The following ARHGAP15 variants were observed in gnomAD, a reference collection of about 807,000 sequenced individuals.
The protein encoded by ARHGAP15 is Rho GTPase activating protein 15.
Under a neutral mutation model 63.7 loss-of-function variants are expected in ARHGAP15, and 51 were observed. The ratio of observed to expected loss-of-function variants is 0.80; its 90% CI spans 0.64 to 1.01. The LOEUF (loss-of-function observed/expected upper bound fraction) is 1.01. Among genes scored for constraint, ARHGAP15 ranks in the 50% least tolerant of loss-of-function variants. The pLI is 0.00. For synonymous variants in ARHGAP15, 191 were observed against 193.8 expected (o/e 0.99, Z 0.12); for missense variants, 560 against 564.6 (o/e 0.99, Z 0.08).
intron 6 of ARHGAP15, among the ~76,000 whole-genome samples, chr2:143,349,748 C>T (rs1354529373): frequency 6.6e-6 from 1 of 152,176 alleles, no homozygotes; most frequent in Non-Finnish European, 1.5e-5. Flanking sequence ...ATGAATAAAT[C>T]TGAAATCTAG....
chr2:143,477,473 T>C (rs899981085), intron 8 of ARHGAP15, among the ~76,000 whole-genome samples: 1 of 152,150 alleles, frequency 6.6e-6, no homozygotes, highest in Non-Finnish European at 1.5e-5. Flanking sequence ...GTTAACTACA[T>C]ATGTATTATA....
intron 13 of ARHGAP15, among the ~76,000 whole-genome samples, chr2:143,722,904 A>G (rs547763630): frequency 2.4e-4 from 37 of 152,348 alleles, no homozygotes; most frequent in African/African-American, 8.9e-4. Context: ...ATCTCAGGCT[A>G]TAGGAAACCA....
chr2:143,765,622 A>G (rs545181574), intron 13 of ARHGAP15, among the ~76,000 whole-genome samples: 33 of 152,326 alleles, frequency 2.2e-4, no homozygotes, highest in Admixed American at 3.9e-4. Context: ...GAAATCTACT[A>G]TCACCAGGCT....
intron 13 of ARHGAP15, among the ~76,000 whole-genome samples, chr2:143,736,305 A>C (rs1685742348): frequency 6.6e-6 from 1 of 151,898 alleles, no homozygotes; most frequent in Admixed American, 6.6e-5. Context: ...CTGAGGCAGG[A>C]GATTCATTTG....
intron 6 of ARHGAP15, among the ~76,000 whole-genome samples, chr2:143,283,191 A>G (rs954891071): frequency 6.6e-6 from 1 of 152,180 alleles, no homozygotes; most frequent in Non-Finnish European, 1.5e-5. Flanking sequence ...AATTTTTGCC[A>G]GGACCCGTGA....
intron 6 of ARHGAP15, among the ~76,000 whole-genome samples, chr2:143,411,357 A>G (rs1470288942): frequency 6.6e-6 from 1 of 152,218 alleles, no homozygotes; most frequent in East Asian, 1.9e-4. Flanking sequence ...TATTCTCTAA[A>G]TATAAGCATT....
chr2:143,428,264 G>A (rs1010923573), intron 6 of ARHGAP15, among the ~76,000 whole-genome samples: 1 of 151,904 alleles, frequency 6.6e-6, no homozygotes, highest in Non-Finnish European at 1.5e-5. Flanking sequence ...GACAGCTGGG[G>A]AACCAAAAAA....
intron 10 of ARHGAP15, among the ~76,000 whole-genome samples, chr2:143,535,529 A>T (rs1232547262): frequency 2.0e-5 from 3 of 152,356 alleles, no homozygotes; most frequent in African/African-American, 7.2e-5. Flanking sequence ...TTTAAGAAAG[A>T]ATTATCTTCC....
chr2:143,379,663 C>G (rs996429334), intron 6 of ARHGAP15, among the ~76,000 whole-genome samples: 1 of 150,840 alleles, frequency 6.6e-6, no homozygotes, highest in Non-Finnish European at 1.5e-5. Context: ...GTATTGTCAA[C>G]TATAGAGAAA....
At chr2:143,607,038 TTGAAATTACTTTCTTTTCCCCCAG>T (rs1330181442) in intron 11 of ARHGAP15, 1 of 152,256 alleles carries the variant, frequency 6.6e-6, no homozygotes, top group East Asian at 1.9e-4. Context: ...GGAGGATTTC[TTGAAATTACTTTCTTTTCCCCCAG>T]TGAAATGTCA....
At chr2:143,669,588 T>C (rs538119560) in intron 12 of ARHGAP15, among the ~76,000 whole-genome samples, 7 of 152,300 alleles carry the variant, frequency 4.6e-5, no homozygotes, top group Non-Finnish European at 1.0e-4. Context: ...ATTTCCTAGT[T>C]CACAGATGAC....
At chr2:143,534,188 G>T (rs1292791544) in intron 10 of ARHGAP15, among the ~76,000 whole-genome samples, 1 of 152,126 alleles carries the variant, frequency 6.6e-6, no homozygotes, top group Admixed American at 6.5e-5. Context: ...GAGATCTGAT[G>T]GCTTTATAAG....
chr2:143,181,946 A>T (rs1217892664), intron 2 of ARHGAP15, among the ~76,000 whole-genome samples: 3 of 145,276 alleles, frequency 2.1e-5, no homozygotes, highest in Admixed American at 6.8e-5. Flanking sequence ...CTAGCTTTTG[A>T]TTTTTTTTTT....
intron 9 of ARHGAP15, among the ~76,000 whole-genome samples, chr2:143,516,935 G>A (rs1030236102): frequency 1.3e-5 from 2 of 151,968 alleles, no homozygotes; most frequent in Admixed American, 1.3e-4. Context: ...TTGGAGTTTT[G>A]TTTTTGTTTG....
chr2:143,738,355 G>A (rs548295182), intron 13 of ARHGAP15, among the ~76,000 whole-genome samples: 104 of 152,176 alleles, frequency 6.8e-4, no homozygotes, highest in Non-Finnish European at 1.1e-3. Flanking sequence ...GTCATTTAGC[G>A]TTCTTACGAA....
At chr2:143,174,868 G>A (rs529451200) in intron 2 of ARHGAP15, among the ~76,000 whole-genome samples, 5 of 152,050 alleles carry the variant, frequency 3.3e-5, no homozygotes, top group South Asian at 2.1e-4. Context: ...AATGTATCCC[G>A]AAAAAATATT....
At chr2:143,520,833 GT>G (rs1694033179) in intron 10 of ARHGAP15, among the ~76,000 whole-genome samples, 2 of 152,108 alleles carry the variant, frequency 1.3e-5, no homozygotes, top group South Asian at 4.1e-4. Flanking sequence ...CAAATAGGGC[GT>G]TGGGGAAGCA....
At chr2:143,155,396 G>A (rs907931765) in intron 1 of ARHGAP15, 81 bp from the exon 2 acceptor site, 25 of 1,256,858 alleles carry the variant, frequency 2.0e-5, no homozygotes, top group Non-Finnish European at 2.6e-5. Context: ...ATATCCTAAT[G>A]ATTACTAGGG....
chr2:143,315,633 C>T (rs76679073), intron 6 of ARHGAP15, among the ~76,000 whole-genome samples: 2,895 of 152,216 alleles, frequency 0.019, 96 homozygotes, highest in African/African-American at 0.066. Flanking sequence ...CCAGAAATAA[C>T]AGTTACAGAA....
Sources: allele counts gnomAD v4.1 joint callset (sites outside exome capture counted in the v4.1 genomes callset), GRCh38; gene constraint gnomAD v4.1.1; transcripts MANE v1.5; gene names NCBI Gene and HGNC (gene_info 2026-07-23, HGNC 2026-07-21).